Variants in DCAF5 observed in about 807,000 individuals in gnomAD.
DCAF5 encodes DDB1- and CUL4-associated factor 5.
DCAF5 carries 9 observed loss-of-function variants against 80.7 expected under a neutral mutation model. The ratio of observed to expected loss-of-function variants is 0.11; its 90% confidence interval spans 0.07 to 0.19. The LOEUF is 0.19. Ranked by LOEUF, DCAF5 falls within the 10% of genes least tolerant of loss-of-function variation. DCAF5 has a pLI of 1.00. For synonymous variants in DCAF5, 433 were observed against 461.9 expected, an observed-to-expected ratio of 0.94 and a Z score of 0.80; for missense variants, 842 against 1,205.7, an observed-to-expected ratio of 0.70 and a Z score of 4.47.
At chr14:69,134,712 C>A (rs1219966718) in intron 1 of DCAF5, among the ~76,000 whole-genome samples, 1 of 152,170 alleles carries the variant, frequency 6.6e-6, no homozygotes, top group African/African-American at 2.4e-5. Context: ...TAATCAAGGC[C>A]AGTTGTATGA....
chr14:69,114,064 T>C (rs2040461899), intron 5 of DCAF5, among the ~76,000 whole-genome samples: 1 of 152,184 alleles, frequency 6.6e-6, no homozygotes, highest in African/African-American at 2.4e-5. Context: ...TTTTCCCCCA[T>C]AATACTAGCA....
At chr14:69,060,215 A>T (rs1344210820) in intron 8 of DCAF5, among the ~76,000 whole-genome samples, 2 of 152,178 alleles carry the variant, frequency 1.3e-5, no homozygotes, top group Non-Finnish European at 2.9e-5. Flanking sequence ...TACTGAAAGG[A>T]TAGAATCCAG....
rs565216828 is a variant in DCAF5 at position 69,152,696 on chromosome 14, G to T, written c.214+69C>A. The T allele has an allele frequency of 1.6e-5, 19 of 1,216,714 alleles. No homozygotes were observed. The highest frequency in any genetic ancestry group is 2.0e-5 in the Non-Finnish European group (17 of 863,740). 75.4% of individuals were successfully genotyped at this position (1,216,714 alleles called of 1,614,324 possible). On this transcript the variant is annotated intron_variant, in intron 1 of 8. Coordinates refer to ENST00000341516, the MANE Select transcript of DCAF5 (RefSeq NM_003861.3). This position sits in a 1 kb window ranked among gnomAD's most constrained non-coding sequence, Gnocchi z 4.1. ...GGACAGAGGGCAGGAGGAGGGTGACGGGGGAGAGCGAGAGGGGGAGGCTGG... is the reference window on the plus strand; with the variant it reads ...GGACAGAGGGCAGGAGGAGGGTGACTGGGGAGAGCGAGAGGGGGAGGCTGG...
At chr14:69,059,051 A>G (rs1277610758) in intron 8 of DCAF5, among the ~76,000 whole-genome samples, 1 of 152,164 alleles carries the variant, frequency 6.6e-6, no homozygotes, top group East Asian at 1.9e-4. Context: ...ATGGAAAGCA[A>G]TTAAGTGACA....
chr14:69,055,012 T>G lies in DCAF5; in HGVS notation c.1674A>C (p.Glu558Asp). The change falls in exon 9 of 9, where the codon GAA (glutamate) becomes GAC (aspartate). Residue 558 changes from glutamate (E) to aspartate (D), a missense_variant. This residue lies in a region of DCAF5 where 607 missense variants were observed against 656.6 expected (regional missense o/e 0.92). Transcript: ENST00000341516. The surrounding 1 kb of genome is among the most constrained non-coding windows in gnomAD (Gnocchi z 5.6). ...TGCTAGAGCTGCTGGAACTGCTGGA[T>G]TCATCTTCGGGGCTGGGTGACCGTG... ...PRPRSPSPED[E>D]SSSSSSSSSS... The G allele has an allele frequency of 6.2e-7, 1 of 1,614,212 alleles. No homozygotes were observed. Among genetic ancestry groups the G allele is most frequent in the Non-Finnish European group, 8.5e-7 (1 of 1,180,034 alleles).
chr14:69,059,609 AG>A lies in DCAF5; in HGVS notation c.1074+2774del, dbSNP rs549876148. On this transcript the variant is annotated intron_variant, in intron 8 of 8. Transcript: ENST00000341516. ...GGATAACGTAAGTGCAGGGTGAGGC[AG>A]TAATTCCAATTGAGATGAGGCCAGC... Among the ~76,000 whole-genome samples the A allele has an allele frequency of 2.5e-3, 376 of 152,348 alleles. 2 individuals carry two copies. The highest frequency in any genetic ancestry group is 3.4e-3 in the Middle Eastern group (1 of 294).
intron 7 of DCAF5, among the ~76,000 whole-genome samples, chr14:69,069,293 T>C (rs1566728058): frequency 1.3e-5 from 2 of 152,152 alleles, no homozygotes; most frequent in Non-Finnish European, 2.9e-5. Flanking sequence ...TTCCCTTCCA[T>C]TCAGGGAAAA....
chr14:69,097,465 TA>T (rs1268766399), intron 5 of DCAF5, among the ~76,000 whole-genome samples: 3 of 152,148 alleles, frequency 2.0e-5, no homozygotes, highest in Non-Finnish European at 4.4e-5. Context: ...ATAAATTCAT[TA>T]AACAATAATT....
chr14:69,084,283 C>A, intron 6 of DCAF5: 1 of 968,606 alleles, frequency 1.0e-6, no homozygotes, highest in Non-Finnish European at 1.7e-6. Flanking sequence ...CTAATGGGAT[C>A]AACATCACTG....
At chr14:69,106,182 G>A (rs550631467) in intron 5 of DCAF5, among the ~76,000 whole-genome samples, 211 of 145,646 alleles carry the variant, frequency 1.4e-3, no homozygotes, top group African/African-American at 4.9e-3. Flanking sequence ...TCAGCCCCCC[G>A]AGTAGCTGGA....
intron 1 of DCAF5, among the ~76,000 whole-genome samples, chr14:69,147,849 T>A (rs2041584752): frequency 6.6e-6 from 1 of 152,164 alleles, no homozygotes; most frequent in African/African-American, 2.4e-5. Context: ...TCACTATAAC[T>A]CAAAACTTCA....
intron 1 of DCAF5, among the ~76,000 whole-genome samples, chr14:69,127,340 A>C (rs1034795427): frequency 6.6e-6 from 1 of 152,232 alleles, no homozygotes; most frequent in Non-Finnish European, 1.5e-5. Flanking sequence ...CAGTGAAAAG[A>C]CGTGGAGAAA....
chr14:69,130,830 A>T (rs1335872976), intron 1 of DCAF5, among the ~76,000 whole-genome samples: 2 of 152,206 alleles, frequency 1.3e-5, no homozygotes, highest in Non-Finnish European at 2.9e-5. Flanking sequence ...AGGGTACAGG[A>T]AGTGCAAGCT....
chr14:69,091,313 T>A (rs1417350236), intron 6 of DCAF5, among the ~76,000 whole-genome samples: 1 of 152,168 alleles, frequency 6.6e-6, no homozygotes, highest in Non-Finnish European at 1.5e-5. Context: ...TTGTGTTTTA[T>A]TGGTTTCTTT....
At chr14:69,060,784 G>A (rs557904797) in intron 8 of DCAF5, among the ~76,000 whole-genome samples, 2 of 152,088 alleles carry the variant, frequency 1.3e-5, no homozygotes, top group African/African-American at 2.4e-5. Flanking sequence ...CACTTGCCTC[G>A]GCCTCCCAGA....
chr14:69,117,497 G>A (rs930855546), intron 4 of DCAF5, among the ~76,000 whole-genome samples: 4 of 152,168 alleles, frequency 2.6e-5, no homozygotes, highest in African/African-American at 9.6e-5. Flanking sequence ...GCCACGGTGG[G>A]TATGGCAGTG....
At chr14:69,150,030 A>G (rs549569362) in intron 1 of DCAF5, among the ~76,000 whole-genome samples, 1 of 152,370 alleles carries the variant, frequency 6.6e-6, no homozygotes, top group East Asian at 1.9e-4. Context: ...AGCAAACAGG[A>G]GGAACTTTCT....
At chr14:69,058,876 C>CAA (rs541099480) in intron 8 of DCAF5, among the ~76,000 whole-genome samples, 112 of 54,826 alleles carry the variant, frequency 2.0e-3, no homozygotes, top group African/African-American at 7.0e-3. Context: ...GATCCTGTCT[C>CAA]AAAAAAAAAA....
At chr14:69,102,591 GACACACACACAC>G (rs143602483) in intron 5 of DCAF5, among the ~76,000 whole-genome samples, 6 of 124,910 alleles carry the variant, frequency 4.8e-5, no homozygotes, top group African/African-American at 1.2e-4. Flanking sequence ...TAAAAACAAA[GACACACACACAC>G]ACACACACAC....
Sources: allele counts gnomAD v4.1 joint callset (sites outside exome capture counted in the v4.1 genomes callset), GRCh38; gene constraint gnomAD v4.1.1; regional missense constraint gnomAD v4.1.1; non-coding constraint Gnocchi (gnomAD v3.1); transcripts MANE v1.5; gene names NCBI Gene and HGNC (gene_info 2026-07-23, HGNC 2026-07-21).